Variants in CD22 observed in about 807,000 individuals in gnomAD.
CD22 encodes CD22 molecule, also known as B-cell receptor CD22.
A neutral mutation model predicts 94.7 loss-of-function variants in CD22; 51 were observed. The ratio of observed to expected loss-of-function variants is 0.54; its 90% confidence interval spans 0.43 to 0.68. The LOEUF (loss-of-function observed/expected upper bound fraction) is 0.68. Among genes scored for constraint, CD22 ranks in the 30% least tolerant of loss-of-function variants. CD22 has a pLI of 0.00. For missense variants in CD22, 931 were observed against 1,060.4 expected (o/e 0.88, Z 1.69); for synonymous variants, 424 against 422.5 (o/e 1.00, Z -0.04).
intron 6 of CD22, among the ~76,000 whole-genome samples, chr19:35,340,219 A>G (rs1163715734): frequency 6.6e-6 from 1 of 152,014 alleles, no homozygotes; most frequent in African/African-American, 2.4e-5. Flanking sequence ...GAGTCATCTC[A>G]TTTCCTTCTT....
chr19:35,345,086 A>G lies in CD22; in HGVS notation c.2168A>G (p.Glu723Gly), dbSNP rs1317340547. Reference sequence around the variant, plus strand: ...ACACAGAGCCAGCAGGGGCTTCAGGAGAATTCCAGCGGCCAGAGCTTCTTT... The same window carrying G: ...ACACAGAGCCAGCAGGGGCTTCAGGGGAATTCCAGCGGCCAGAGCTTCTTT... ...KRTQSQQGLQ[E>G]NSSGQSFFVR... The change falls in exon 11 of 14, where the codon GAG becomes GGG. Residue 723 changes from glutamate to glycine, a missense_variant. Coordinates refer to ENST00000085219, the MANE Select transcript of CD22 (RefSeq NM_001771.4). 1.2e-6 allele frequency: 2 copies of G among 1,613,970 alleles called. No individual in the cohort carries two copies. The highest frequency in any genetic ancestry group is 2.7e-5 in the African/African-American group (2 of 74,878).
chr19:35,332,835 C>T lies in CD22; in HGVS notation c.323C>T (p.Pro108Leu), dbSNP rs1275193407. Residue 108 changes from proline (P) to leucine (L), a missense_variant, in exon 3 of 14, where the codon CCG becomes CTG. Physicochemically the swap from Pro to Leu is moderately conservative, Grantham distance 98. Transcript: ENST00000085219. Reference sequence around the variant, plus strand: ...AAGAACTGCACACTGAGTATCCACCCGGTGCACCTCAATGACAGTGGTCAG... The same window carrying T: ...AAGAACTGCACACTGAGTATCCACCTGGTGCACCTCAATGACAGTGGTCAG... ...KNKNCTLSIH[P>L]VHLNDSGQLG... 3 of 1,614,112 alleles carry T rather than the reference C, an allele frequency of 1.9e-6. No homozygotes were observed. The highest frequency in any genetic ancestry group is 1.3e-5 in the African/African-American group (1 of 75,020).
chr19:35,345,766 C>G (rs745657126), intron 12 of CD22, 46 bp downstream of exon 12: 1 of 1,346,960 alleles, frequency 7.4e-7, no homozygotes, highest in Non-Finnish European at 1.1e-6. Context: ...GGGAGGGAGG[C>G]GGGAGGAAAA....
chr19:35,344,443 C>T (rs1377123743), intron 9 of CD22, among the ~76,000 whole-genome samples: 2 of 152,230 alleles, frequency 1.3e-5, no homozygotes, highest in Non-Finnish European at 2.9e-5. Context: ...TCTGCAGCCT[C>T]TTGTTTTGGG....
chr19:35,338,871 C>T (rs1290027903), intron 6 of CD22, among the ~76,000 whole-genome samples: 2 of 151,770 alleles, frequency 1.3e-5, no homozygotes, highest in Admixed American at 1.3e-4. Flanking sequence ...CCTCGTGATC[C>T]ACCCGCCTCG....
Position 35,341,485 on chromosome 19 carries a change from G to C in CD22, c.1650G>C (p.Leu550=). 4 of 1,614,126 alleles carry C rather than the reference G, an allele frequency of 2.5e-6. No individual in the cohort carries two copies. Among genetic ancestry groups the C allele is most frequent in the Non-Finnish European group, 3.4e-6 (4 of 1,180,008 alleles). ...TCTGGGAGAAAAATGGCAGGCTTCT[G>C]GGGAAAGAAAGCCAGCTGAATTTTG... ...QFFWEKNGRL[L]GKESQLNFDS... is the part of the protein sequence containing the mutation. The change falls in exon 8 of 14, where the codon CTG becomes CTC. Residue 550 remains leucine (L), a synonymous_variant. Transcript: ENST00000085219. The surrounding 1 kb of genome is among the most constrained non-coding windows in gnomAD (Gnocchi z 4.0).
intron 9 of CD22, 34 bp from the exon 10 acceptor site, chr19:35,344,795 T>C (rs749307452): frequency 6.7e-7 from 1 of 1,497,730 alleles, no homozygotes; most frequent in South Asian, 1.2e-5. Context: ...AGCTGGCCCC[T>C]CAGTTGATTA....
At chr19:35,335,548 C>T (rs1245164089) in intron 3 of CD22, among the ~76,000 whole-genome samples, 1 of 151,548 alleles carries the variant, frequency 6.6e-6, no homozygotes, top group African/African-American at 2.4e-5. Context: ...CAAAGCAAGA[C>T]CCTGTCTCTA....
intron 13 of CD22, 67 bp downstream of exon 13, chr19:35,346,302 G>A (rs1025744018): frequency 1.4e-6 from 2 of 1,385,938 alleles, no homozygotes; most frequent in African/African-American, 2.8e-5. Flanking sequence ...CCTGGCCTCA[G>A]TGGTGGGTCC....
chr19:35,346,293 C>T (rs2145685323), intron 13 of CD22, 58 bp downstream of exon 13: 1 of 1,457,070 alleles, frequency 6.9e-7, no homozygotes, highest in Non-Finnish European at 9.6e-7. Flanking sequence ...GGGACAGGGC[C>T]TGGCCTCAGT....
chr19:35,331,228 A>G (rs2066641139), intron 1 of CD22, among the ~76,000 whole-genome samples: 1 of 152,086 alleles, frequency 6.6e-6, no homozygotes, highest in Admixed American at 6.6e-5. Flanking sequence ...TGGCTCACCC[A>G]TACTTTGTTA....
intron 13 of CD22, 43 bp downstream of exon 13, chr19:35,346,278 G>C: frequency 1.3e-6 from 2 of 1,533,164 alleles, no homozygotes; most frequent in Non-Finnish European, 9.0e-7. Flanking sequence ...GGCTGTGGAA[G>C]GCTGGGGACA....
Position 35,329,584 on chromosome 19 carries a change from C to T in CD22, c.-23+354C>T, listed in dbSNP as rs2066617866. 7 of 213,356 alleles carry T rather than the reference C, an allele frequency of 3.3e-5. No individual in the cohort carries two copies. In the South Asian group the frequency reaches 4.8e-4, roughly 15 times the overall value. 13.2% of individuals were successfully genotyped at this position (213,356 alleles called of 1,614,324 possible). Reference sequence around the variant, plus strand: ...TAATAACTGCTGTCCCTAACCTCCACCCCACCCTCAGCCTTCCAATTCCCG... The same window carrying T: ...TAATAACTGCTGTCCCTAACCTCCATCCCACCCTCAGCCTTCCAATTCCCG... On this transcript the variant is annotated intron_variant, in intron 1 of 13. Transcript: ENST00000085219.
At chr19:35,338,094 G>C in intron 5 of CD22, 73 bp downstream of exon 5, 1 of 1,572,766 alleles carries the variant, frequency 6.4e-7, no homozygotes, top group Non-Finnish European at 8.6e-7. Flanking sequence ...GGAGCCACGG[G>C]GGCTCTCGGG....
chr19:35,335,375 G>C (rs949613137), intron 3 of CD22, among the ~76,000 whole-genome samples: 23 of 152,040 alleles, frequency 1.5e-4, no homozygotes, highest in Admixed American at 1.3e-3. Context: ...GGGTAACATG[G>C]CAAGACCCTG....
At chr19:35,329,497 C>A in intron 1 of CD22, 1 of 351,932 alleles carries the variant, frequency 2.8e-6, no homozygotes, top group Non-Finnish European at 5.6e-6. Flanking sequence ...TTCTGCAAGG[C>A]CCTCAACAGG....
At chr19:35,345,750 C>A (rs1172028654) in intron 12 of CD22, 30 bp downstream of exon 12, 2 of 1,462,718 alleles carry the variant, frequency 1.4e-6, no homozygotes, top group Non-Finnish European at 9.6e-7. Flanking sequence ...GGTGACCCTG[C>A]ACCCTGGGAG....
Position 35,340,897 on chromosome 19 carries a change from G to T in CD22, c.1266G>T (p.Val422=). The T allele has an allele frequency of 1.9e-6, 3 of 1,614,088 alleles. No homozygotes were observed. Among genetic ancestry groups the T allele is most frequent in the South Asian group, 1.1e-5 (1 of 91,026 alleles). ...TTCTTCCAGATCCTCCCAAGAAGGT[G>T]ACCACAGTGATTCAAAACCCCATGC... is the stretch of plus-strand genomic sequence containing the variant. The part of the protein sequence containing the change: ...ELDVQYPPKK[V]TTVIQNPMPI... Residue 422 remains valine, a synonymous_variant, in exon 7 of 14, where the codon GTG becomes GTT. Coordinates refer to ENST00000085219, the MANE Select transcript of CD22 (RefSeq NM_001771.4).
chr19:35,345,771 G>A, intron 12 of CD22, 51 bp downstream of exon 12: 1 of 1,278,714 alleles, frequency 7.8e-7, no homozygotes, highest in East Asian at 2.3e-5. Context: ...GGAGGCGGGA[G>A]GAAAAGCTCT....
Sources: gnomAD v4.1 joint callset for allele counts (sites outside exome capture counted in the v4.1 genomes callset) on GRCh38, gnomAD v4.1.1 for gene constraint, Gnocchi (gnomAD v3.1) non-coding constraint, MANE v1.5 for transcripts, NCBI Gene and HGNC (gene_info 2026-07-23, HGNC 2026-07-21) for gene names.